Variants in GNPTAB observed in about 807,000 individuals in gnomAD.
GNPTAB encodes the protein N-acetylglucosamine-1-phosphate transferase subunits alpha and beta, also known as N-acetylglucosamine-1-phosphotransferase subunits alpha/beta.
In GNPTAB, 92 loss-of-function variants were observed where a neutral mutation model predicts 136.6. That is an observed-to-expected ratio of 0.67 (90% CI 0.57 to 0.80). The LOEUF is 0.80. Among genes scored for constraint, GNPTAB ranks in the 30% least tolerant of loss-of-function variants. The probability of loss-of-function intolerance (pLI) is 0.00; values close to 1 mark genes in which losing one functional copy is unlikely to be tolerated. For missense variants in GNPTAB, 1,343 were observed against 1,501.8 expected, an observed-to-expected ratio of 0.89 and a Z score of 1.75; for synonymous variants, 512 against 535.1, an observed-to-expected ratio of 0.96 and a Z score of 0.60.
chr12:101,822,679 T>G (rs1008687706), intron 1 of GNPTAB, among the ~76,000 whole-genome samples: 3 of 152,212 alleles, frequency 2.0e-5, no homozygotes, highest in Non-Finnish European at 4.4e-5. Context: ...GAGAAGGAAC[T>G]TAGGCTTTAA....
At chr12:101,804,736 A>G (rs1226555935) in intron 1 of GNPTAB, among the ~76,000 whole-genome samples, 2 of 152,240 alleles carry the variant, frequency 1.3e-5, no homozygotes, top group African/African-American at 2.4e-5. Context: ...TCACGGCACT[A>G]AGTTTGTTTA....
In GNPTAB at chr12:101,801,539, C is replaced by CAAAAAAAAA. The variant is rs36066248; in HGVS notation, c.118-4786_118-4778dup. ...TGGGTGACAGAAAGAGACCCTGTCT[C>CAAAAAAAAA]AAAAAAAAAAAAAAAAAAAAAAAAA... is the stretch of plus-strand genomic sequence containing the variant. On this transcript the variant is annotated intron_variant, in intron 1 of 20. Coordinates refer to ENST00000299314, the MANE Select transcript of GNPTAB (RefSeq NM_024312.5). 2.2e-3 allele frequency among the ~76,000 whole-genome samples: 95 copies of CAAAAAAAAA among 42,586 alleles called. 2 individuals are homozygous for CAAAAAAAAA. Among genetic ancestry groups the CAAAAAAAAA allele is most frequent in the African/African-American group, 6.3e-3 (90 of 14,256 alleles). The allele number at this position is 42,586 out of a possible 152,430, so 27.9% of individuals were successfully genotyped here. A position where few individuals can be genotyped will look rare whatever the true frequency, so the allele number is the denominator to read the frequency against.
At chr12:101,798,847 T>G (rs1189186000) in intron 1 of GNPTAB, among the ~76,000 whole-genome samples, 5 of 152,194 alleles carry the variant, frequency 3.3e-5, no homozygotes, top group Non-Finnish European at 4.4e-5. Context: ...TCATATTTAG[T>G]GCAATACCGT....
intron 1 of GNPTAB, among the ~76,000 whole-genome samples, chr12:101,797,454 G>T (rs1047243760): frequency 6.6e-6 from 1 of 151,982 alleles, no homozygotes; most frequent in Non-Finnish European, 1.5e-5. Context: ...GTGAAACCCC[G>T]TCTCTACTAA....
chr12:101,755,083 T>G (rs1952882629), intron 18 of GNPTAB, among the ~76,000 whole-genome samples: 1 of 152,042 alleles, frequency 6.6e-6, no homozygotes. Context: ...TTTTTTAGGG[T>G]GATAATGGTA....
At chr12:101,801,567 A>AAAC (rs1869636413) in intron 1 of GNPTAB, among the ~76,000 whole-genome samples, 3 of 145,146 alleles carry the variant, frequency 2.1e-5, no homozygotes, top group Non-Finnish European at 3.0e-5. Flanking sequence ...AAAAAAAAAA[A>AAAC]CTGGAAAAAA....
intron 1 of GNPTAB, among the ~76,000 whole-genome samples, chr12:101,808,452 G>A (rs1230765397): frequency 2.0e-5 from 3 of 151,838 alleles, no homozygotes; most frequent in African/African-American, 7.3e-5. Context: ...TGAGGTGAGA[G>A]GATCACTTGA....
At chr12:101,754,792 A>T (rs548024859) in intron 18 of GNPTAB, among the ~76,000 whole-genome samples, 66 of 152,296 alleles carry the variant, frequency 4.3e-4, no homozygotes, top group African/African-American at 1.5e-3. Flanking sequence ...CCAACTACCA[A>T]TTTATGGGAA....
chr12:101,799,452 A>G (rs1330850800), intron 1 of GNPTAB, among the ~76,000 whole-genome samples: 2 of 152,222 alleles, frequency 1.3e-5, no homozygotes, highest in Admixed American at 1.3e-4. Context: ...TAATCATGGG[A>G]AAAATGTGAC....
At chr12:101,809,455 T>C (rs1480675979) in intron 1 of GNPTAB, among the ~76,000 whole-genome samples, 1 of 152,190 alleles carries the variant, frequency 6.6e-6, no homozygotes, top group Non-Finnish European at 1.5e-5. Flanking sequence ...TGTGTCCATA[T>C]AAAAACCTGC....
intron 1 of GNPTAB, among the ~76,000 whole-genome samples, chr12:101,806,942 C>T (rs930701026): frequency 6.6e-6 from 1 of 152,048 alleles, no homozygotes; most frequent in African/African-American, 2.4e-5. Flanking sequence ...GAGGCCAAAA[C>T]TACCCTAATA....
intron 1 of GNPTAB, among the ~76,000 whole-genome samples, chr12:101,824,507 C>T (rs1174309586): frequency 6.9e-6 from 1 of 143,940 alleles, no homozygotes; most frequent in Non-Finnish European, 1.5e-5. Flanking sequence ...CACTCTGTCG[C>T]CCAAGCTGGA....
chr12:101,791,747 G>A (rs185162962), intron 2 of GNPTAB, among the ~76,000 whole-genome samples: 5 of 152,080 alleles, frequency 3.3e-5, no homozygotes, highest in African/African-American at 4.8e-5. Flanking sequence ...ATATTATCTC[G>A]TGGGAAAATA....
intron 7 of GNPTAB, chr12:101,778,192 T>C (rs752409148): frequency 6.6e-6 from 1 of 152,204 alleles, no homozygotes; most frequent in South Asian, 2.1e-4. Flanking sequence ...CATCCACCAG[T>C]AGACGCATGA....
rs1952726115 is a variant in GNPTAB, at chr12:101,745,874, A to T, written c.*1290T>A. 6.6e-6 allele frequency: 1 copy of T among 152,298 alleles called. No homozygotes were observed. Among genetic ancestry groups the T allele is most frequent in the South Asian group, 2.1e-4 (1 of 4,832 alleles). The allele number at this position is 152,298 out of a possible 1,614,324, so 9.4% of individuals were successfully genotyped here. ...TATGGTGGAACCCCCGTCTCTACTA[A>T]AAATACAAAAATTAGCAGGGTGTGG... On this transcript the variant is annotated 3_prime_UTR_variant, in exon 21 of 21. Transcript: ENST00000299314.
Position 101,786,046 on chromosome 12 carries a change from AT to A in GNPTAB, c.536del (p.Asn179MetfsTer34). The part of the protein sequence containing the change: ...NVAKPKNPST[N>X]VSVVVFDSTK... ...TACTGTCAAAAACAACAACTGAGAC[AT>A]TGGTAGAAGGGTTTTTTGGTTTTGC... On this transcript the variant is annotated frameshift_variant, in exon 5 of 21. Coordinates refer to ENST00000299314, the MANE Select transcript of GNPTAB (RefSeq NM_024312.5). LOFTEE classifies it high-confidence loss of function. 1 of 1,613,968 alleles carries A rather than the reference AT, an allele frequency of 6.2e-7. No homozygotes were observed.
intron 1 of GNPTAB, among the ~76,000 whole-genome samples, chr12:101,815,059 T>C (rs1326441109): frequency 6.6e-6 from 1 of 152,190 alleles, no homozygotes; most frequent in East Asian, 1.9e-4. Context: ...GGCAGCATCA[T>C]AGCTTACTTA....
intron 20 of GNPTAB, among the ~76,000 whole-genome samples, chr12:101,747,572 A>G (rs2137096216): frequency 6.6e-6 from 1 of 152,328 alleles, no homozygotes; most frequent in South Asian, 2.1e-4. Context: ...CAAGATGTCC[A>G]TTTGTCAAGT....
intron 5 of GNPTAB, among the ~76,000 whole-genome samples, chr12:101,784,040 A>AGTATCAGGGAGC (rs1276428182): frequency 6.6e-6 from 1 of 152,190 alleles, no homozygotes; most frequent in Non-Finnish European, 1.5e-5. Context: ...TAACTTGTTA[A>AGTATCAGGGAGC]GTATCAGGGA....
Sources: allele counts gnomAD v4.1 joint callset (sites outside exome capture counted in the v4.1 genomes callset), GRCh38; gene constraint gnomAD v4.1.1; transcripts MANE v1.5; gene names NCBI Gene and HGNC (gene_info 2026-07-23, HGNC 2026-07-21).